The following GSTO2 variants were observed in gnomAD, a reference collection of about 807,000 sequenced individuals.
GSTO2 encodes glutathione S-transferase omega 2, also known as glutathione S-transferase omega-2.
In GSTO2, 23 loss-of-function variants were observed where a neutral mutation model predicts 28.4. The observed-to-expected ratio is 0.81, with a 90% CI of 0.58 to 1.15. GSTO2 has a LOEUF of 1.15. Ranked by LOEUF, GSTO2 falls within the 50% of genes most tolerant of loss-of-function variation. GSTO2 has a pLI of 0.00. For synonymous variants in GSTO2, 109 were observed against 111.0 expected (o/e 0.98, Z 0.11); for missense variants, 298 against 297.8 (o/e 1.00, Z 0.00).
chr10:104,294,404 C>T (rs761926204), intron 5 of GSTO2, among the ~76,000 whole-genome samples: 5 of 152,186 alleles, frequency 3.3e-5, no homozygotes, highest in African/African-American at 7.2e-5. Flanking sequence ...ACTCTCCTAT[C>T]GAGAGTCCTG....
intron 1 of GSTO2, among the ~76,000 whole-genome samples, chr10:104,273,045 T>C (rs1376877357): frequency 3.9e-5 from 6 of 152,242 alleles, no homozygotes; most frequent in Non-Finnish European, 1.5e-5. Context: ...GATATATTTT[T>C]CTCAACTATC....
chr10:104,272,574 A>G (rs2011455899), intron 1 of GSTO2, among the ~76,000 whole-genome samples: 1 of 130,960 alleles, frequency 7.6e-6, no homozygotes, highest in Admixed American at 8.9e-5. Context: ...ATCAAAATAG[A>G]ACAGTTATGG....
At chr10:104,291,930 T>C (rs1402376632) in intron 5 of GSTO2, among the ~76,000 whole-genome samples, 1 of 152,214 alleles carries the variant, frequency 6.6e-6, no homozygotes, top group Non-Finnish European at 1.5e-5. Flanking sequence ...AGCTCTTCTA[T>C]TGTACTAAAG....
Position 104,301,069 on chromosome 10 carries a change from C to T in GSTO2, c.*1785C>T, listed in dbSNP as rs1358503999. On this transcript the variant is annotated 3_prime_UTR_variant, in exon 7 of 7. Transcript: ENST00000338595. ...TGTTGCCATGGCACCCTAGTTAATGCTGAGTGAGGTCTGTGAATCACCGTT... is the reference window on the plus strand; with the variant it reads ...TGTTGCCATGGCACCCTAGTTAATGTTGAGTGAGGTCTGTGAATCACCGTT... The T allele has an allele frequency of 6.6e-6, 1 of 152,256 alleles. No individual in the cohort carries two copies. Among genetic ancestry groups the T allele is most frequent in the Admixed American group, 6.5e-5 (1 of 15,284 alleles). 9.4% of individuals were successfully genotyped at this position (152,256 alleles called of 1,614,324 possible).
At chr10:104,273,469 G>C (rs1311605104) in intron 1 of GSTO2, among the ~76,000 whole-genome samples, 1 of 152,150 alleles carries the variant, frequency 6.6e-6, no homozygotes, top group East Asian at 1.9e-4. Flanking sequence ...CTGAAGATTT[G>C]CAAAGATTCT....
chr10:104,272,004 G>A (rs936658186), intron 1 of GSTO2, among the ~76,000 whole-genome samples: 7 of 152,146 alleles, frequency 4.6e-5, no homozygotes, highest in African/African-American at 1.7e-4. Flanking sequence ...CAGTCACAAC[G>A]TGATATGTGA....
chr10:104,297,399 C>G (rs2013089089), intron 5 of GSTO2, 179 bp from the exon 6 acceptor site: 2 of 480,700 alleles, frequency 4.2e-6, no homozygotes, highest in African/African-American at 2.0e-5. Flanking sequence ...GGAGTGTGAC[C>G]CTAAAAGAGG....
chr10:104,274,765 C>A lies in GSTO2; in HGVS notation c.-151C>A, dbSNP rs1321447486. 1.1e-5 allele frequency: 10 copies of A among 915,918 alleles called. No homozygotes were observed. Among genetic ancestry groups the A allele is most frequent in the Non-Finnish European group, 1.7e-5 (10 of 589,194 alleles). 56.7% of individuals were successfully genotyped at this position (915,918 alleles called of 1,614,324 possible). ...TAGCTCCTGCTCCAGATCGCTTCCC[C>A]GTGCCCCGCCAGAGCCCAGTAGTTC... On this transcript the variant is annotated 5_prime_UTR_variant, in exon 2 of 7. Transcript: ENST00000338595.
chr10:104,285,393 C>T (rs1194081785), intron 5 of GSTO2, among the ~76,000 whole-genome samples: 1 of 151,846 alleles, frequency 6.6e-6, no homozygotes, highest in African/African-American at 2.4e-5. Context: ...CTCAGCCTCC[C>T]GAGTAGCTGG....
intron 5 of GSTO2, chr10:104,291,145 G>T: frequency 6.6e-6 from 1 of 152,350 alleles, no homozygotes. Context: ...CTTTTTAGGG[G>T]CCACAGAGGG....
intron 5 of GSTO2, among the ~76,000 whole-genome samples, chr10:104,292,846 A>G (rs2012841245): frequency 6.6e-6 from 1 of 152,226 alleles, no homozygotes; most frequent in South Asian, 2.1e-4. Context: ...ACTACTGCTA[A>G]GTGGATCTAG....
intron 1 of GSTO2, among the ~76,000 whole-genome samples, chr10:104,273,993 T>C (rs11191987): frequency 0.074 from 11,278 of 152,266 alleles, 1,403 homozygotes; most frequent in African/African-American, 0.26. Context: ...ATTTAAGGAA[T>C]TATTTTTTTA....
Position 104,279,393 on chromosome 10 carries a change from C to T in GSTO2, c.390C>T (p.Cys130=), listed in dbSNP as rs2011872119. ...AGGTCCCACATTTGACCAAGGAGTG[C>T]CTGGTAGCGTTGAGATGTGGGAGAG... ...FCKVPHLTKE[C]LVALRCGREC... Residue 130 remains cysteine, a synonymous_variant, in exon 5 of 7, where the codon TGC becomes TGT. Transcript: ENST00000338595. 3.1e-6 allele frequency: 5 copies of T among 1,613,784 alleles called. No homozygotes were observed. The highest frequency in any genetic ancestry group is 8.5e-7 in the Non-Finnish European group (1 of 1,179,832).
chr10:104,296,197 T>C (rs1300711492), intron 5 of GSTO2: 2 of 152,186 alleles, frequency 1.3e-5, no homozygotes, highest in Non-Finnish European at 2.9e-5. Flanking sequence ...CCATCTGATT[T>C]ACAGTCCCTC....
At chr10:104,294,224 C>T (rs938984491) in intron 5 of GSTO2, among the ~76,000 whole-genome samples, 3 of 152,164 alleles carry the variant, frequency 2.0e-5, no homozygotes, top group African/African-American at 7.2e-5. Context: ...CACATTTTTA[C>T]ACTACACTTC....
In GSTO2 at chr10:104,298,727, T is replaced by A. The variant is rs138993219; in HGVS notation, c.576-401T>A. Among the ~76,000 whole-genome samples, 7 of 152,322 alleles carry A rather than the reference T, an allele frequency of 4.6e-5. No individual in the cohort carries two copies. The East Asian group carries it at 1.3e-3, about 29-fold the overall frequency. On this transcript the variant is annotated intron_variant, in intron 6 of 6. Transcript: ENST00000338595. ...AATTATTTGTCTTTATTTTTTTATA[T>A]CTCCTAAAGTAAAATCTGAGAATGA...
intron 6 of GSTO2, among the ~76,000 whole-genome samples, chr10:104,298,133 A>G (rs1564854144): frequency 6.6e-6 from 1 of 152,252 alleles, no homozygotes. Context: ...GTAGTAATAT[A>G]TGCTTGATAT....
At chr10:104,282,330 A>C (rs948897867) in intron 5 of GSTO2, among the ~76,000 whole-genome samples, 3 of 151,954 alleles carry the variant, frequency 2.0e-5, no homozygotes, top group Non-Finnish European at 4.4e-5. Context: ...AGACGGTAGG[A>C]TCGCTTGAGC....
intron 5 of GSTO2, chr10:104,285,929 C>T (rs1436912570): frequency 5.6e-6 from 2 of 358,644 alleles, no homozygotes; most frequent in Admixed American, 7.7e-5. Context: ...CCTTTGATAT[C>T]ACCAGGATAG....
Sources: allele counts gnomAD v4.1 joint callset (sites outside exome capture counted in the v4.1 genomes callset), GRCh38; gene constraint gnomAD v4.1.1; transcripts MANE v1.5; gene names NCBI Gene and HGNC (gene_info 2026-07-23, HGNC 2026-07-21).